The following RBFOX1 variants were observed in gnomAD, a reference collection of about 807,000 sequenced individuals.
RBFOX1 encodes RNA binding protein fox-1 homolog 1.
Under a neutral mutation model 57.7 loss-of-function variants are expected in RBFOX1, and 8 were observed. The ratio of observed to expected loss-of-function variants is 0.14; its 90% confidence interval spans 0.08 to 0.25. The LOEUF (loss-of-function observed/expected upper bound fraction) is 0.25, where lower values mean the gene tolerates loss of function less well. Among genes scored for constraint, RBFOX1 ranks in the 10% least tolerant of loss-of-function variants. The pLI is 1.00. For synonymous variants in RBFOX1, 326 were observed against 222.4 expected (o/e 1.47, Z -4.15); for missense variants, 611 against 548.5 (o/e 1.11, Z -1.14).
chr16:7,027,672 G>A (rs1313612003), intron 3 of RBFOX1, among the ~76,000 whole-genome samples: 7 of 152,272 alleles, frequency 4.6e-5, no homozygotes, highest in Non-Finnish European at 1.0e-4. Flanking sequence ...AGACATGGCA[G>A]GGAAGGTTTC....
At chr16:6,724,391 G>T (rs1370890900) in intron 3 of RBFOX1, among the ~76,000 whole-genome samples, 1 of 151,920 alleles carries the variant, frequency 6.6e-6, no homozygotes, top group African/African-American at 2.4e-5. Context: ...TATATTTTTA[G>T]TAGAGACAGG....
intron 11 of RBFOX1, among the ~76,000 whole-genome samples, chr16:7,638,191 A>G (rs977415876): frequency 4.6e-5 from 7 of 152,226 alleles, no homozygotes; most frequent in Admixed American, 2.0e-4. Context: ...ATCCATAATC[A>G]TAAGTAGTGG....
At chr16:5,889,629 A>G (rs938996141) in intron 4 of RBFOX1, among the ~76,000 whole-genome samples, 1 of 152,226 alleles carries the variant, frequency 6.6e-6, no homozygotes. Flanking sequence ...GATGCAGGAC[A>G]AGCAGACTCC....
chr16:6,860,462 C>T (rs1473902863), intron 3 of RBFOX1, among the ~76,000 whole-genome samples: 4 of 152,288 alleles, frequency 2.6e-5, no homozygotes, highest in African/African-American at 9.6e-5. Flanking sequence ...TACCGTGCTG[C>T]TGATGGAAGA....
In RBFOX1 at chr16:6,373,956, C is replaced by G. The variant is rs142445927; in HGVS notation, c.-64+56899C>G. ...ACTGTGTGACTATGACTTTCAGGAACAGGAATGGATGATTTATCTTTCGAT... is the reference window on the plus strand; with the variant it reads ...ACTGTGTGACTATGACTTTCAGGAAGAGGAATGGATGATTTATCTTTCGAT... On this transcript the variant is annotated intron_variant, in intron 2 of 15. Coordinates refer to ENST00000550418, the MANE Select transcript of RBFOX1 (RefSeq NM_018723.4). 1.9e-3 allele frequency among the ~76,000 whole-genome samples: 290 copies of G among 152,252 alleles called. 1 individual carries two copies. Among genetic ancestry groups the G allele is most frequent in the Middle Eastern group, 6.8e-3 (2 of 294 alleles).
At position 7,713,176 on chromosome 16, in the gene RBFOX1, T is replaced by C. The variant is rs1023928878; in HGVS notation, c.*2431T>C. On this transcript the variant is annotated 3_prime_UTR_variant, in exon 16 of 16. Transcript: ENST00000550418. ...TGAATTATGGAAAATTAATATTATG[T>C]GTGGCATATAGTGACTTCTTAACAC... 2 of 152,334 alleles carry C rather than the reference T, an allele frequency of 1.3e-5. No homozygotes were observed. The highest frequency in any genetic ancestry group is 1.3e-4 in the Admixed American group (2 of 15,298). 9.4% of individuals were successfully genotyped at this position (152,334 alleles called of 1,614,324 possible). A position where few individuals can be genotyped will look rare whatever the true frequency, so the allele number is the denominator to read the frequency against.
chr16:5,577,423 G>A (rs1253830648), intron 2 of RBFOX1, among the ~76,000 whole-genome samples: 1 of 152,120 alleles, frequency 6.6e-6, no homozygotes. Context: ...GGCTTCATCA[G>A]CTGGCATTTT....
chr16:6,099,283 T>C (rs1238907993), intron 1 of RBFOX1, among the ~76,000 whole-genome samples: 1 of 152,172 alleles, frequency 6.6e-6, no homozygotes, highest in Non-Finnish European at 1.5e-5. Context: ...TAGCTTGTGG[T>C]TCATTGGTGT....
At chr16:7,138,487 G>A (rs1335114421) in intron 4 of RBFOX1, among the ~76,000 whole-genome samples, 2 of 152,190 alleles carry the variant, frequency 1.3e-5, no homozygotes, top group African/African-American at 2.4e-5. Flanking sequence ...AAGAGAATGA[G>A]CATGCACATC....
At chr16:6,847,469 G>A (rs1041314930) in intron 3 of RBFOX1, among the ~76,000 whole-genome samples, 2 of 152,018 alleles carry the variant, frequency 1.3e-5, no homozygotes, top group African/African-American at 4.8e-5. Context: ...GAGCCACAGG[G>A]GGTGGGCTGG....
chr16:7,458,182 C>T (rs1177125201), intron 4 of RBFOX1, among the ~76,000 whole-genome samples: 1 of 152,174 alleles, frequency 6.6e-6, no homozygotes, highest in African/African-American at 2.4e-5. Context: ...CTGCCAGAGC[C>T]ATATGCATTA....
intron 2 of RBFOX1, among the ~76,000 whole-genome samples, chr16:6,527,319 G>A (rs1026131387): frequency 6.6e-5 from 10 of 151,896 alleles, no homozygotes; most frequent in Admixed American, 6.6e-4. Context: ...TATACTAAGA[G>A]GGGTGTGTAT....
In RBFOX1 at chr16:6,210,533, C is replaced by T. The variant is rs960382925; in HGVS notation, c.-126-106462C>T. Among the ~76,000 whole-genome samples the T allele has an allele frequency of 6.6e-5, 10 of 151,794 alleles. 1 individual carries two copies. The East Asian group carries it at 1.9e-3, about 30-fold the overall frequency. On this transcript the variant is annotated intron_variant, in intron 1 of 15. Transcript: ENST00000550418. The stretch of plus-strand genomic sequence containing the variant: ...TCACTTGAGCCCAGGAGTTTGAGAC[C>T]AGGCTGGGTAATGTAGCGAGACCCT...
At chr16:6,554,429 A>G (rs989180975) in intron 2 of RBFOX1, among the ~76,000 whole-genome samples, 3 of 152,050 alleles carry the variant, frequency 2.0e-5, no homozygotes, top group Non-Finnish European at 2.9e-5. Context: ...TCCCGGGGTA[A>G]TAAAAAAAAA....
At chr16:5,958,621 T>G (rs1332808250) in intron 4 of RBFOX1, among the ~76,000 whole-genome samples, 1 of 152,228 alleles carries the variant, frequency 6.6e-6, no homozygotes, top group African/African-American at 2.4e-5. Context: ...TGTAACAAAT[T>G]ACCACAGAAT....
chr16:5,560,795 T>C (rs138837901), intron 2 of RBFOX1, among the ~76,000 whole-genome samples: 317 of 152,310 alleles, frequency 2.1e-3, no homozygotes, highest in African/African-American at 7.4e-3. Flanking sequence ...ATCTAACATA[T>C]ACTTTGCAGT....
At chr16:7,239,649 C>T (rs975733094) in intron 4 of RBFOX1, among the ~76,000 whole-genome samples, 5 of 152,022 alleles carry the variant, frequency 3.3e-5, no homozygotes, top group Admixed American at 6.6e-5. Flanking sequence ...CTGATAAGAC[C>T]GTGAGAACTC....
intron 2 of RBFOX1, among the ~76,000 whole-genome samples, chr16:6,651,176 G>C (rs1260001954): frequency 6.6e-6 from 1 of 152,058 alleles, no homozygotes; most frequent in Non-Finnish European, 1.5e-5. Flanking sequence ...TGCTGGGATT[G>C]CAGGCGTGAG....
At chr16:6,313,908 T>A (rs1369809864) in intron 1 of RBFOX1, among the ~76,000 whole-genome samples, 1 of 152,184 alleles carries the variant, frequency 6.6e-6, no homozygotes, top group Non-Finnish European at 1.5e-5. Flanking sequence ...CCATTGTTAA[T>A]GATCATTTCT....
Sources: allele counts gnomAD v4.1 joint callset (sites outside exome capture counted in the v4.1 genomes callset), GRCh38; gene constraint gnomAD v4.1.1; transcripts MANE v1.5; gene names NCBI Gene and HGNC (gene_info 2026-07-23, HGNC 2026-07-21).